The following TPX2 variants were observed in gnomAD, a reference collection of about 807,000 sequenced individuals.
TPX2 encodes TPX2 microtubule nucleation factor.
Under a neutral mutation model 93.6 loss-of-function variants are expected in TPX2, and 21 were observed. The observed-to-expected ratio is 0.22, with a 90% confidence interval of 0.16 to 0.32. TPX2 has a LOEUF of 0.32. TPX2 is among the 10% of genes least tolerant of loss of function. The pLI, the probability that TPX2 is intolerant of heterozygous loss-of-function variation, is 1.00. For synonymous variants in TPX2, 281 were observed against 298.3 expected (o/e 0.94, Z 0.60); for missense variants, 776 against 871.1 (o/e 0.89, Z 1.37).
At chr20:31,775,845 C>A in intron 7 of TPX2, 22 bp from the exon 8 acceptor site, 2 of 1,534,528 alleles carry the variant, frequency 1.3e-6, no homozygotes, top group South Asian at 1.3e-5. Flanking sequence ...CCTCTCTTCT[C>A]ATTTACTGAT....
At chr20:31,778,451 A>C (rs1036413143) in intron 9 of TPX2, among the ~76,000 whole-genome samples, 1 of 152,074 alleles carries the variant, frequency 6.6e-6, no homozygotes, top group Admixed American at 6.6e-5. Context: ...CAGAGGCCCA[A>C]TCAATTTTTT....
At chr20:31,742,174 CTTTTT>C (rs538601587) in intron 1 of TPX2, among the ~76,000 whole-genome samples, 3 of 126,372 alleles carry the variant, frequency 2.4e-5, no homozygotes, top group Admixed American at 7.9e-5. Flanking sequence ...AAAGTTTGCT[CTTTTT>C]TTTTTTTTTT....
rs187851726 is a variant in TPX2 at position 31,786,859 on chromosome 20, G to A, written c.1413+2938G>A. Among the ~76,000 whole-genome samples the A allele has an allele frequency of 3.3e-5, 5 of 152,300 alleles. No individual in the cohort carries two copies. The East Asian group carries it at 9.7e-4, about 29-fold the overall frequency. ...TAGTTGGGTACCAGGTTATACCTGT[G>A]AAAATTCTGTGTAAACAGATCTGCA... On this transcript the variant is annotated intron_variant, in intron 12 of 17. Transcript: ENST00000300403.
Position 31,782,323 on chromosome 20 carries a change from C to T in TPX2, c.1129C>T (p.Arg377Cys), listed in dbSNP as rs138585308. The T allele has an allele frequency of 3.7e-4, 590 of 1,613,742 alleles. No individual in the cohort carries two copies. The highest frequency in any genetic ancestry group is 4.9e-4 in the Non-Finnish European group (576 of 1,179,916). Residue 377 changes from arginine (R) to cysteine (C), a missense_variant, in exon 11 of 18, where the codon CGT becomes TGT. By Grantham distance (180) the Arg-to-Cys change is radical. This residue lies in a region of TPX2 where 461 missense variants were observed against 551.2 expected (regional missense o/e 0.84). Transcript: ENST00000300403. The stretch of plus-strand genomic sequence containing the variant: ...GACTCCTGTACTGCAAACCAAACAC[C>T]GTGCACGGGCTGTGACCTGCAAAAG... ...PQTPVLQTKH[R>C]ARAVTCKSTA...
At chr20:31,757,265 A>T (rs1447994815) in intron 2 of TPX2, 142 bp from the exon 3 acceptor site, 1 of 526,868 alleles carries the variant, frequency 1.9e-6, no homozygotes, top group East Asian at 3.3e-5. Flanking sequence ...GTTACCTGAA[A>T]AACTAATGTT....
intron 3 of TPX2, 119 bp from the exon 4 acceptor site, chr20:31,759,938 A>C (rs1600364289): frequency 2.2e-6 from 3 of 1,371,236 alleles, no homozygotes. Flanking sequence ...CTTTGCTTGT[A>C]CTTGCCACAT....
At chr20:31,784,267 GTTA>G (rs1419263870) in intron 12 of TPX2, among the ~76,000 whole-genome samples, 1 of 152,210 alleles carries the variant, frequency 6.6e-6, no homozygotes, top group Non-Finnish European at 1.5e-5. Context: ...TGTAGTAATA[GTTA>G]TTGTGTTGCT....
At chr20:31,794,097 C>T in intron 14 of TPX2, 73 bp downstream of exon 14, 1 of 1,424,754 alleles carries the variant, frequency 7.0e-7, no homozygotes, top group Non-Finnish European at 9.4e-7. Context: ...TTCTGTAGCA[C>T]TTTTAACTAT....
chr20:31,790,066 A>T (rs184530405), intron 12 of TPX2, among the ~76,000 whole-genome samples: 98 of 152,322 alleles, frequency 6.4e-4, no homozygotes, highest in African/African-American at 2.3e-3. Context: ...TCTCTCTTCC[A>T]CTTGCCCCTG....
intron 12 of TPX2, among the ~76,000 whole-genome samples, chr20:31,791,676 G>T (rs2123084010): frequency 6.6e-6 from 1 of 152,336 alleles, no homozygotes; most frequent in African/African-American, 2.4e-5. Flanking sequence ...GGAATGAGTT[G>T]TGGAGCTGAA....
rs772037607 is a variant in TPX2 at position 31,766,575 on chromosome 20, A to G, written c.249A>G (p.Lys83=). 1 of 1,613,540 alleles carries G rather than the reference A, an allele frequency of 6.2e-7. No individual in the cohort carries two copies. Among genetic ancestry groups the G allele is most frequent in the Non-Finnish European group, 8.5e-7 (1 of 1,179,898 alleles). The change falls in exon 5 of 18, where the codon AAA becomes AAG. Residue 83 remains lysine, a synonymous_variant. Transcript: ENST00000300403. The part of the protein sequence containing the change: ...PLKPVDNTYY[K]EAEKENLVEQ... ...CCGCAGTTGACAACACTTACTACAA[A>G]GAGGCAGAAAAAGAAAATCTTGTGG...
intron 4 of TPX2, 57 bp from the exon 5 acceptor site, chr20:31,766,496 TCTC>T: frequency 1.3e-6 from 2 of 1,505,382 alleles, no homozygotes. Context: ...TGTGTGTGTG[TCTC>T]ATCTCCAATT....
At chr20:31,766,342 G>A (rs960108912) in intron 4 of TPX2, among the ~76,000 whole-genome samples, 6 of 151,956 alleles carry the variant, frequency 3.9e-5, no homozygotes, top group Admixed American at 1.3e-4. Flanking sequence ...ACCTTAGGCT[G>A]GCAAATAGGC....
chr20:31,745,575 G>T (rs906487475), intron 2 of TPX2, among the ~76,000 whole-genome samples: 1 of 152,124 alleles, frequency 6.6e-6, no homozygotes, highest in African/African-American at 2.4e-5. Flanking sequence ...TGATCCACCT[G>T]CCTTGGCCTC....
At chr20:31,785,155 G>A (rs2062057450) in intron 12 of TPX2, among the ~76,000 whole-genome samples, 1 of 152,178 alleles carries the variant, frequency 6.6e-6, no homozygotes, top group African/African-American at 2.4e-5. Flanking sequence ...ACCTACTTTT[G>A]ATTGAGAGCT....
intron 11 of TPX2, among the ~76,000 whole-genome samples, chr20:31,782,933 A>ACAC (rs1568599476): frequency 4.9e-5 from 7 of 143,682 alleles, no homozygotes; most frequent in African/African-American, 1.9e-4. Flanking sequence ...CACACACACA[A>ACAC]AATCTAATCC....
Position 31,801,076 on chromosome 20 carries a change from GC to G in TPX2, c.2241del (p.Ter748LysfsTer17), listed in dbSNP as rs1374481424. ...VSPKFSTRFH[C>X] The stretch of plus-strand genomic sequence containing the variant: ...CCCAAATTCTCCACTCGATTCCACT[GC>G]TAAACTCAGCTGTGAGCTGCGGATA... On this transcript the variant is annotated frameshift_variant, in exon 18 of 18. Coordinates refer to ENST00000300403, the MANE Select transcript of TPX2 (RefSeq NM_012112.5). LOFTEE classifies it high-confidence loss of function. 1.2e-6 allele frequency: 2 copies of G among 1,613,954 alleles called. No homozygotes were observed. The highest frequency in any genetic ancestry group is 1.1e-5 in the South Asian group (1 of 91,082).
intron 4 of TPX2, among the ~76,000 whole-genome samples, chr20:31,765,172 A>T (rs1402145132): frequency 1.3e-5 from 2 of 151,922 alleles, no homozygotes; most frequent in African/African-American, 4.8e-5. Context: ...AAAAATGTTT[A>T]TCAAGGCTGG....
At chr20:31,797,310 G>T in intron 15 of TPX2, 94 bp from the exon 16 acceptor site, 1 of 1,084,820 alleles carries the variant, frequency 9.2e-7, no homozygotes, top group South Asian at 1.4e-5. Context: ...TATTTTTATT[G>T]ATGAAGCAGT....
Sources: allele counts gnomAD v4.1 joint callset (sites outside exome capture counted in the v4.1 genomes callset), GRCh38; gene constraint gnomAD v4.1.1; regional missense constraint gnomAD v4.1.1; transcripts MANE v1.5; gene names NCBI Gene and HGNC (gene_info 2026-07-23, HGNC 2026-07-21).